Variants in ZFAT observed in about 807,000 individuals in gnomAD.
ZFAT encodes zinc finger protein ZFAT.
Under a neutral mutation model 117.7 loss-of-function variants are expected in ZFAT, and 64 were observed. That is an observed-to-expected ratio of 0.54 (90% confidence interval 0.44 to 0.67). The LOEUF is 0.67. ZFAT is among the 30% of genes least tolerant of loss of function. ZFAT has a pLI of 0.00. For missense variants in ZFAT, 1,433 were observed against 1,584.5 expected (o/e 0.90, Z 1.62); for synonymous variants, 679 against 615.0 (o/e 1.10, Z -1.54).
chr8:134,787,891 TTC>T, the ZFAT span, among the ~76,000 whole-genome samples: 1 of 152,156 alleles, frequency 6.6e-6, no homozygotes, highest in Non-Finnish European at 1.5e-5. Flanking sequence ...TTCTATTTGT[TTC>T]TGATATATAG....
chr8:134,592,513 G>C (rs1563643919), intron 7 of ZFAT, among the ~76,000 whole-genome samples: 1 of 152,158 alleles, frequency 6.6e-6, no homozygotes, highest in Non-Finnish European at 1.5e-5. Flanking sequence ...TAACCTCTCA[G>C]TGCCTCCGTT....
intron 1 of ZFAT, 30 bp downstream of exon 1, chr8:134,712,815 C>CCGG: frequency 2.7e-5 from 31 of 1,128,018 alleles, no homozygotes; most frequent in Non-Finnish European, 3.4e-5. Context: ...ACCCCCACCC[C>CCGG]GTCTCACCCC....
chr8:134,747,641 C>G, the ZFAT span, among the ~76,000 whole-genome samples: 1 of 152,138 alleles, frequency 6.6e-6, no homozygotes, highest in African/African-American at 2.4e-5. Context: ...ATTTATAGAA[C>G]TTGTAACTGT....
In ZFAT at chr8:134,584,129, G is replaced by GT. The variant is rs1403005965; in HGVS notation, c.2714-125dup. The GT allele has an allele frequency of 6.4e-6, 7 of 1,089,928 alleles. No homozygotes were observed. The African/African-American group carries it at 1.1e-4, about 17-fold the overall frequency. The allele number at this position is 1,089,928 out of a possible 1,614,324, so 67.5% of individuals were successfully genotyped here. Reference sequence around the variant, plus strand: ...ATAGATATGTATATATAAAACATCCGTTTTGAACACAGCAGTATACTTGCT... The same window carrying GT: ...ATAGATATGTATATATAAAACATCCGTTTTTGAACACAGCAGTATACTTGCT... On this transcript the variant is annotated intron_variant, in intron 9 of 15. Transcript: ENST00000377838.
At chr8:134,504,190 G>T (rs1043048885) in intron 15 of ZFAT, among the ~76,000 whole-genome samples, 3 of 152,038 alleles carry the variant, frequency 2.0e-5, no homozygotes, top group Non-Finnish European at 1.5e-5. Context: ...TACAATGAAC[G>T]AATGACCCAC....
At chr8:134,607,032 TTA>T (rs1827942432) in intron 5 of ZFAT, among the ~76,000 whole-genome samples, 2 of 152,200 alleles carry the variant, frequency 1.3e-5, no homozygotes, top group South Asian at 2.1e-4. Flanking sequence ...TCTTTTATAG[TTA>T]TCTTATAATT....
chr8:134,732,793 C>A, the ZFAT span, among the ~76,000 whole-genome samples: 2 of 152,166 alleles, frequency 1.3e-5, no homozygotes, highest in African/African-American at 4.8e-5. Context: ...AGATCAGGGG[C>A]TGCCAGGGGC....
chr8:134,496,869 C>T (rs1818479172), intron 15 of ZFAT, among the ~76,000 whole-genome samples: 1 of 152,228 alleles, frequency 6.6e-6, no homozygotes, highest in Non-Finnish European at 1.5e-5. Context: ...GAAAATATTC[C>T]CTTCCTAATT....
At chr8:134,695,178 G>C (rs559132414) in intron 1 of ZFAT, among the ~76,000 whole-genome samples, 2 of 152,238 alleles carry the variant, frequency 1.3e-5, no homozygotes, top group South Asian at 4.1e-4. Context: ...CCCAGGGCAA[G>C]GGGGTTGCGT....
intron 11 of ZFAT, among the ~76,000 whole-genome samples, chr8:134,560,853 G>A (rs113656763): frequency 0.018 from 2,772 of 152,354 alleles, 40 homozygotes; most frequent in South Asian, 0.03. Context: ...GCAAAGAGTC[G>A]AATAGCTAGA....
intron 5 of ZFAT, among the ~76,000 whole-genome samples, chr8:134,603,657 CCTAAGT>C (rs1345985741): frequency 6.6e-6 from 1 of 152,218 alleles, no homozygotes; most frequent in East Asian, 1.9e-4. Context: ...CAGAGCAGGA[CCTAAGT>C]CACGAGCTGA....
At chr8:134,755,849 A>G in the ZFAT span, among the ~76,000 whole-genome samples, 2 of 151,874 alleles carry the variant, frequency 1.3e-5, no homozygotes, top group African/African-American at 2.4e-5. Context: ...AAAAGAAAAA[A>G]AAAAGATAAA....
chr8:134,586,669 G>T (rs562010799), intron 9 of ZFAT, among the ~76,000 whole-genome samples: 1 of 152,206 alleles, frequency 6.6e-6, no homozygotes, highest in Non-Finnish European at 1.5e-5. Flanking sequence ...CATCGGCTAC[G>T]AATGCCTTCA....
the ZFAT span, among the ~76,000 whole-genome samples, chr8:134,826,514 A>C: frequency 6.6e-6 from 1 of 152,226 alleles, no homozygotes; most frequent in South Asian, 2.1e-4. Context: ...TAATAGTAAA[A>C]TTTCCACTCC....
chr8:134,717,466 C>CTTGTTTTTTTT, upstream of ZFAT, among the ~76,000 whole-genome samples: 1 of 19,334 alleles, frequency 5.2e-5, no homozygotes, highest in Non-Finnish European at 1.3e-4. Context: ...AATAACAACT[C>CTTGTTTTTTTT]TTTTTTTTTT....
chr8:134,639,932 A>C (rs753988286), intron 2 of ZFAT: 40 of 363,394 alleles, frequency 1.1e-4, no homozygotes, highest in Non-Finnish European at 1.9e-4. Context: ...TGAAGAATTA[A>C]CTTTACCCAA....
At chr8:134,752,056 A>AG in the ZFAT span, among the ~76,000 whole-genome samples, 2 of 152,200 alleles carry the variant, frequency 1.3e-5, no homozygotes, top group East Asian at 1.9e-4. Context: ...CTACCAAATG[A>AG]GGGGGTTAGG....
chr8:134,736,073 G>A, the ZFAT span, among the ~76,000 whole-genome samples: 1 of 152,174 alleles, frequency 6.6e-6, no homozygotes, highest in African/African-American at 2.4e-5. Context: ...AGATGGCCGA[G>A]GAGTAGGGAT....
At chr8:134,828,025 CCTT>C in the ZFAT span, among the ~76,000 whole-genome samples, 1 of 152,116 alleles carries the variant, frequency 6.6e-6, no homozygotes, top group African/African-American at 2.4e-5. Context: ...AGTATACTCA[CCTT>C]TTTTACATGT....
Sources: gnomAD v4.1 joint callset for allele counts (sites outside exome capture counted in the v4.1 genomes callset) on GRCh38, gnomAD v4.1.1 for gene constraint, MANE v1.5 for transcripts, NCBI Gene and HGNC (gene_info 2026-07-23, HGNC 2026-07-21) for gene names.